Variants in PSMD1 observed in about 807,000 individuals in gnomAD.
PSMD1 encodes proteasome 26S subunit, non-ATPase 1, also known as 26S proteasome non-ATPase regulatory subunit 1.
A neutral mutation model predicts 119.0 loss-of-function variants in PSMD1; 18 were observed. The observed-to-expected ratio is 0.15, with a 90% confidence interval of 0.10 to 0.22. The LOEUF is 0.22. PSMD1 is among the 10% of genes least tolerant of loss of function. The pLI is 1.00. For missense variants in PSMD1, 702 were observed against 1,158.5 expected, an observed-to-expected ratio of 0.61 and a Z score of 5.72; for synonymous variants, 374 against 396.6, an observed-to-expected ratio of 0.94 and a Z score of 0.68.
At chr2:231,108,918 A>C (rs1277526718) in intron 16 of PSMD1, 1 of 1,614,128 alleles carries the variant, frequency 6.2e-7, no homozygotes, top group Non-Finnish European at 8.5e-7. Context: ...GAATCACATA[A>C]AACTAAAGTT....
Position 231,083,559 on chromosome 2 carries a change from C to A in PSMD1, c.1526-8C>A. ...CTCTCTGTTAACATTTTACTCGTTA[C>A]TTGCCAGGGGAAGCAGCTGGCCTGG... On this transcript the variant is annotated splice_region_variant and splice_polypyrimidine_tract_variant and intron_variant, in intron 13 of 24. Transcript: ENST00000308696. 6.2e-7 allele frequency: 1 copy of A among 1,614,048 alleles called. No homozygotes were observed. The highest frequency in any genetic ancestry group is 1.1e-5 in the South Asian group (1 of 91,068).
chr2:231,059,909 C>A (rs866957551), intron 1 of PSMD1, among the ~76,000 whole-genome samples: 10 of 152,076 alleles, frequency 6.6e-5, no homozygotes, highest in African/African-American at 1.7e-4. Context: ...TGGTCCATGG[C>A]CAGAGGCTGA....
intron 17 of PSMD1, among the ~76,000 whole-genome samples, chr2:231,144,334 C>T (rs1011593229): frequency 2.6e-5 from 4 of 151,440 alleles, no homozygotes; most frequent in African/African-American, 7.3e-5. Flanking sequence ...TCACTGCAAC[C>T]TCTGCCTCCT....
intron 16 of PSMD1, among the ~76,000 whole-genome samples, chr2:231,089,679 A>C (rs1281607614): frequency 6.6e-6 from 1 of 152,124 alleles, no homozygotes; most frequent in Admixed American, 6.5e-5. Flanking sequence ...TGCAAGCTTA[A>C]GGAGCAAGGA....
At chr2:231,166,364 A>G (rs1198547243) in intron 23 of PSMD1, among the ~76,000 whole-genome samples, 2 of 152,198 alleles carry the variant, frequency 1.3e-5, no homozygotes, top group East Asian at 3.8e-4. Flanking sequence ...CAGGTACTAA[A>G]TCTCTCTCTG....
chr2:231,116,948 A>G (rs1320043322), intron 16 of PSMD1, among the ~76,000 whole-genome samples: 1 of 152,066 alleles, frequency 6.6e-6, no homozygotes, highest in Non-Finnish European at 1.5e-5. Flanking sequence ...AAATTAATAG[A>G]AACCTTATAT....
At chr2:231,142,105 A>G (rs1235432688) in intron 17 of PSMD1, among the ~76,000 whole-genome samples, 1 of 151,332 alleles carries the variant, frequency 6.6e-6, no homozygotes, top group African/African-American at 2.4e-5. Context: ...CTGGTCTCGA[A>G]CTCCTGACCT....
intron 16 of PSMD1, among the ~76,000 whole-genome samples, chr2:231,098,889 T>C (rs1021801404): frequency 2.6e-5 from 4 of 152,138 alleles, no homozygotes; most frequent in African/African-American, 9.7e-5. Context: ...GTGGTACCTC[T>C]TTCAAAGGAA....
At chr2:231,096,484 A>G (rs1237128066) in intron 16 of PSMD1, among the ~76,000 whole-genome samples, 1 of 152,150 alleles carries the variant, frequency 6.6e-6, no homozygotes, top group Non-Finnish European at 1.5e-5. Flanking sequence ...GCCCTTCTGC[A>G]TGATGTTGTT....
Position 231,161,320 on chromosome 2 carries a change from G to C in PSMD1, c.2219-20G>C, listed in dbSNP as rs758537278. The C allele has an allele frequency of 3.2e-6, 5 of 1,573,248 alleles. No homozygotes were observed. The highest frequency in any genetic ancestry group is 4.3e-6 in the Non-Finnish European group (5 of 1,153,022). ...TAGGACAATACTATTATTGTTCATGGTTTCTCTCTTTTTCTACAGGTGGTC... is the reference window on the plus strand; with the variant it reads ...TAGGACAATACTATTATTGTTCATGCTTTCTCTCTTTTTCTACAGGTGGTC... On this transcript the variant is annotated intron_variant, in intron 19 of 24. Coordinates refer to ENST00000308696, the MANE Select transcript of PSMD1 (RefSeq NM_002807.4).
intron 16 of PSMD1, among the ~76,000 whole-genome samples, chr2:231,119,425 T>A (rs942280281): frequency 1.2e-4 from 18 of 152,140 alleles, no homozygotes; most frequent in African/African-American, 4.1e-4. Context: ...AACTCTGAAA[T>A]AATAAGTGAC....
At chr2:231,123,118 A>C (rs1695602842) in intron 16 of PSMD1, among the ~76,000 whole-genome samples, 1 of 152,198 alleles carries the variant, frequency 6.6e-6, no homozygotes, top group Non-Finnish European at 1.5e-5. Context: ...ACTATAATTT[A>C]TAGATAATAT....
rs184372264 is a variant in PSMD1, at chr2:231,094,453, T to C, written c.1883+7272T>C. Among the ~76,000 whole-genome samples, 246 of 152,256 alleles carry C rather than the reference T, an allele frequency of 1.6e-3. 1 individual carries two copies. The highest frequency in any genetic ancestry group is 2.4e-3 in the Non-Finnish European group (165 of 68,034). On this transcript the variant is annotated intron_variant, in intron 16 of 24. Transcript: ENST00000308696. Reference sequence around the variant, plus strand: ...GCAATTGCTGAAGTCAAAGAAAAAGTGCACACAGGGTGGGCTCGAGAATGG... The same window carrying C: ...GCAATTGCTGAAGTCAAAGAAAAAGCGCACACAGGGTGGGCTCGAGAATGG...
chr2:231,131,878 T>A (rs1695863308), intron 16 of PSMD1, among the ~76,000 whole-genome samples: 1 of 152,170 alleles, frequency 6.6e-6, no homozygotes, highest in African/African-American at 2.4e-5. Context: ...TTGAAAAGAT[T>A]GAATGTCTAA....
intron 16 of PSMD1, among the ~76,000 whole-genome samples, chr2:231,117,747 G>C (rs1326669914): frequency 6.6e-6 from 1 of 152,134 alleles, no homozygotes; most frequent in Non-Finnish European, 1.5e-5. Context: ...CCACAGAAAA[G>C]AGATCTTGCA....
At chr2:231,069,885 T>C (rs1322906203) in intron 5 of PSMD1, 140 bp from the exon 6 acceptor site, 3 of 533,446 alleles carry the variant, frequency 5.6e-6, no homozygotes, top group Non-Finnish European at 8.6e-6. Flanking sequence ...TTAAAATTCT[T>C]GAGTTTGTAT....
chr2:231,116,024 T>TG (rs760355732), intron 16 of PSMD1, among the ~76,000 whole-genome samples: 15 of 152,256 alleles, frequency 9.9e-5, no homozygotes, highest in African/African-American at 1.4e-4. Context: ...TATAGGCACT[T>TG]GGAATGTCTC....
At chr2:231,171,148 G>A (rs1696901905) in intron 24 of PSMD1, among the ~76,000 whole-genome samples, 1 of 152,190 alleles carries the variant, frequency 6.6e-6, no homozygotes, top group Non-Finnish European at 1.5e-5. Flanking sequence ...CTGGCCCATA[G>A]GTGACACTTT....
At chr2:231,151,047 A>T (rs1433163419) in intron 18 of PSMD1, among the ~76,000 whole-genome samples, 1 of 152,170 alleles carries the variant, frequency 6.6e-6, no homozygotes, top group Admixed American at 6.5e-5. Context: ...GATTTTAAAT[A>T]CTCCTACATA....
Sources: gnomAD v4.1 joint callset for allele counts (sites outside exome capture counted in the v4.1 genomes callset) on GRCh38, gnomAD v4.1.1 for gene constraint, MANE v1.5 for transcripts, NCBI Gene and HGNC (gene_info 2026-07-23, HGNC 2026-07-21) for gene names.